ZMAT4: variants seen among roughly 807,000 people sequenced by gnomAD.
ZMAT4 encodes the protein zinc finger matrin-type 4.
ZMAT4 carries 17 observed loss-of-function variants against 28.7 expected under a neutral mutation model. The observed-to-expected ratio is 0.59, with a 90% CI of 0.41 to 0.89. The LOEUF (loss-of-function observed/expected upper bound fraction) is 0.89. ZMAT4 is among the 40% of genes least tolerant of loss of function. The pLI is 0.00. For missense variants in ZMAT4, 240 were observed against 283.8 expected (o/e 0.85, Z 1.11); for synonymous variants, 117 against 109.2 (o/e 1.07, Z -0.44).
intron 1 of ZMAT4, among the ~76,000 whole-genome samples, chr8:40,836,259 G>A (rs1816486057): frequency 6.6e-6 from 1 of 152,188 alleles, no homozygotes; most frequent in Non-Finnish European, 1.5e-5. Context: ...TGGGGAGATT[G>A]TTGAAACTTA....
At chr8:40,788,004 T>G (rs7840930) in intron 2 of ZMAT4, among the ~76,000 whole-genome samples, 148,972 of 152,226 alleles carry the variant, frequency 0.98, 72,973 homozygotes, top group East Asian at 1. Flanking sequence ...ATAAGTATTA[T>G]AGTGGAAATC....
chr8:40,567,334 CT>C (rs1803953967), intron 6 of ZMAT4, among the ~76,000 whole-genome samples: 2 of 152,072 alleles, frequency 1.3e-5, no homozygotes, highest in African/African-American at 4.8e-5. Context: ...ATACATATTA[CT>C]ATTGATATTT....
At chr8:40,856,123 T>C (rs1817288558) in intron 1 of ZMAT4, among the ~76,000 whole-genome samples, 1 of 152,198 alleles carries the variant, frequency 6.6e-6, no homozygotes, top group Non-Finnish European at 1.5e-5. Context: ...AGAGGGGATG[T>C]ACAATGAAGT....
intron 1 of ZMAT4, among the ~76,000 whole-genome samples, chr8:40,879,548 T>C (rs542025779): frequency 2.0e-5 from 3 of 152,332 alleles, no homozygotes; most frequent in South Asian, 4.1e-4. Flanking sequence ...AGGAAATCCA[T>C]GCCAGGACGG....
chr8:40,855,614 C>T (rs561729423), intron 1 of ZMAT4, among the ~76,000 whole-genome samples: 38 of 152,026 alleles, frequency 2.5e-4, no homozygotes, highest in Non-Finnish European at 4.7e-4. Flanking sequence ...TCCTTCAGTC[C>T]TACACAAGAC....
At chr8:40,776,729 T>C (rs923192733) in intron 2 of ZMAT4, among the ~76,000 whole-genome samples, 3 of 152,176 alleles carry the variant, frequency 2.0e-5, no homozygotes, top group Non-Finnish European at 4.4e-5. Flanking sequence ...GACTGGGTAA[T>C]GTGAAGTAAC....
chr8:40,624,188 A>G (rs1363536303), intron 5 of ZMAT4, among the ~76,000 whole-genome samples: 1 of 152,224 alleles, frequency 6.6e-6, no homozygotes, highest in Non-Finnish European at 1.5e-5. Flanking sequence ...GAGGTAATTA[A>G]GGTCAAGTGA....
chr8:40,680,700 GTACACACA>G (rs1179072160), intron 4 of ZMAT4, among the ~76,000 whole-genome samples: 31 of 149,212 alleles, frequency 2.1e-4, no homozygotes, highest in South Asian at 6.4e-4. Context: ...CATGTCTAAT[GTACACACA>G]CACACACACA....
Position 40,773,173 on chromosome 8 carries a change from T to C in ZMAT4, c.103-5443A>G, listed in dbSNP as rs560797601. Among the ~76,000 whole-genome samples the C allele has an allele frequency of 7.9e-5, 12 of 152,260 alleles. No homozygotes were observed. In the East Asian group the frequency reaches 1.2e-3, roughly 15 times the overall value. ...TCTCTTATTTGTCAGGGGAAGAACA[T>C]TGGGCACAGAAACTCCGTGTACCTA... On this transcript the variant is annotated intron_variant, in intron 2 of 6. Transcript: ENST00000297737.
At position 40,695,500 on chromosome 8, in the gene ZMAT4, A is replaced by G. The variant is rs574097035; in HGVS notation, c.349+1745T>C. Among the ~76,000 whole-genome samples the G allele has an allele frequency of 5.3e-5, 8 of 152,238 alleles. 1 individual carries two copies. Among genetic ancestry groups the G allele is most frequent in the African/African-American group, 1.7e-4 (7 of 41,470 alleles). ...CATAGCTTTCGGTGCACCACACCCT[A>G]TTCGTTCCCTTCTTGCCTATCCAGC... On this transcript the variant is annotated intron_variant, in intron 4 of 6. Coordinates refer to ENST00000297737, the MANE Select transcript of ZMAT4 (RefSeq NM_024645.3).
chr8:40,813,730 T>C (rs1389868565), intron 2 of ZMAT4, among the ~76,000 whole-genome samples: 1 of 152,170 alleles, frequency 6.6e-6, no homozygotes, highest in African/African-American at 2.4e-5. Context: ...TATTGACAAG[T>C]TGATAGCTTC....
chr8:40,791,753 G>T (rs1292419639), intron 2 of ZMAT4, among the ~76,000 whole-genome samples: 1 of 152,208 alleles, frequency 6.6e-6, no homozygotes, highest in Non-Finnish European at 1.5e-5. Context: ...ACACTGAGCA[G>T]CATATTCTGC....
At chr8:40,892,752 A>T (rs566221842) in intron 1 of ZMAT4, among the ~76,000 whole-genome samples, 2 of 152,320 alleles carry the variant, frequency 1.3e-5, no homozygotes, top group East Asian at 3.9e-4. Flanking sequence ...ATTAGACTTG[A>T]TGAATGATTC....
intron 1 of ZMAT4, among the ~76,000 whole-genome samples, chr8:40,838,567 C>A (rs1289873957): frequency 1.3e-5 from 2 of 152,114 alleles, no homozygotes. Flanking sequence ...GGGTGATACC[C>A]TTCTAATGCA....
At chr8:40,570,257 G>A (rs942904060) in intron 6 of ZMAT4, among the ~76,000 whole-genome samples, 1 of 152,172 alleles carries the variant, frequency 6.6e-6, no homozygotes, top group East Asian at 1.9e-4. Context: ...AGGGGTCCAA[G>A]AGAACCTTTG....
chr8:40,848,286 G>A (rs778294159), intron 1 of ZMAT4, among the ~76,000 whole-genome samples: 1 of 152,182 alleles, frequency 6.6e-6, no homozygotes, highest in Admixed American at 6.5e-5. Flanking sequence ...ATCTGCCCTC[G>A]ATGTGGAAGT....
chr8:40,592,684 G>T (rs960744451), intron 5 of ZMAT4, among the ~76,000 whole-genome samples: 1 of 152,118 alleles, frequency 6.6e-6, no homozygotes, highest in African/African-American at 2.4e-5. Context: ...CCCAAGAAAG[G>T]GCTGGAAAAT....
rs1160346963 is a variant in ZMAT4, at chr8:40,873,294, A to G, written c.-5+24389T>C. On this transcript the variant is annotated intron_variant, in intron 1 of 6. Coordinates refer to ENST00000297737, the MANE Select transcript of ZMAT4 (RefSeq NM_024645.3). Reference sequence around the variant, plus strand: ...CTGGCTACAAAAATGCCCACTTATCAGGATTTAATGGCTCTCAGAAATAAA... The same window carrying G: ...CTGGCTACAAAAATGCCCACTTATCGGGATTTAATGGCTCTCAGAAATAAA... Among the ~76,000 whole-genome samples the G allele has an allele frequency of 2.6e-5, 4 of 152,236 alleles. No homozygotes were observed. In the East Asian group the frequency reaches 7.7e-4, roughly 29 times the overall value.
chr8:40,790,377 A>G (rs2150578258), intron 2 of ZMAT4, among the ~76,000 whole-genome samples: 1 of 152,286 alleles, frequency 6.6e-6, no homozygotes, highest in South Asian at 2.1e-4. Flanking sequence ...GATATCTAAA[A>G]CCAATTGCAT....
Sources: allele counts gnomAD v4.1 joint callset (sites outside exome capture counted in the v4.1 genomes callset), GRCh38; gene constraint gnomAD v4.1.1; transcripts MANE v1.5; gene names NCBI Gene and HGNC (gene_info 2026-07-23, HGNC 2026-07-21).